PDE11A: variants seen among roughly 807,000 people sequenced by gnomAD.
PDE11A encodes the protein phosphodiesterase 11A, also known as dual 3',5'-cyclic-AMP and -GMP phosphodiesterase 11A.
PDE11A carries 100 observed loss-of-function variants against 100.5 expected under a neutral mutation model. The ratio of observed to expected loss-of-function variants is 1.00; its 90% CI spans 0.85 to 1.18. The LOEUF (loss-of-function observed/expected upper bound fraction) is 1.18, where lower values mean the gene tolerates loss of function less well. Ranked by LOEUF, PDE11A falls within the 50% of genes most tolerant of loss-of-function variation. The pLI, the probability that PDE11A is intolerant of heterozygous loss-of-function variation, is 0.00. For missense variants in PDE11A, 1,141 were observed against 1,152.6 expected (o/e 0.99, Z 0.15); for synonymous variants, 381 against 420.8 (o/e 0.91, Z 1.16).
chr2:177,840,450 A>G, intron 5 of PDE11A, 67 bp from the exon 6 acceptor site: 2 of 1,349,830 alleles, frequency 1.5e-6, no homozygotes, highest in Non-Finnish European at 2.1e-6. Context: ...AGGAAACCCT[A>G]TAAACTACAC....
intron 2 of PDE11A, among the ~76,000 whole-genome samples, chr2:177,948,530 C>T (rs2085470827): frequency 6.6e-6 from 1 of 152,094 alleles, no homozygotes; most frequent in Non-Finnish European, 1.5e-5. Flanking sequence ...GAAAGTTGAA[C>T]ATTTTTCTTA....
intron 1 of PDE11A, among the ~76,000 whole-genome samples, chr2:178,026,630 C>T (rs2086481789): frequency 6.7e-6 from 1 of 149,402 alleles, no homozygotes; most frequent in South Asian, 2.1e-4. Context: ...CACTGCACTC[C>T]AGCCTGTGCA....
rs553480343 is a variant in PDE11A, at chr2:178,028,359, G to A, written c.913-13899C>T. Among the ~76,000 whole-genome samples, 406 of 151,414 alleles carry A rather than the reference G, an allele frequency of 2.7e-3. 2 individuals are homozygous for A. The highest frequency in any genetic ancestry group is 4.4e-3 in the Non-Finnish European group (296 of 67,928). ...CTTGCCCTATAATATGAGAGTAGGC[G>A]TGACATACCAAACTGAAGGTGTCAA... On this transcript the variant is annotated intron_variant, in intron 1 of 19. Transcript: ENST00000286063.
At chr2:177,932,951 A>T (rs540717934) in intron 2 of PDE11A, among the ~76,000 whole-genome samples, 1 of 152,310 alleles carries the variant, frequency 6.6e-6, no homozygotes. Flanking sequence ...ATTAGAACTG[A>T]TAATTTTAGC....
chr2:177,691,018 T>A (rs943242845), intron 15 of PDE11A, among the ~76,000 whole-genome samples: 2 of 152,178 alleles, frequency 1.3e-5, no homozygotes, highest in African/African-American at 4.8e-5. Flanking sequence ...TCAGGCAGTG[T>A]GTCAGGTTTT....
intron 18 of PDE11A, among the ~76,000 whole-genome samples, chr2:177,665,479 C>CA (rs201885310): frequency 0.22 from 14,971 of 66,902 alleles, 847 homozygotes; most frequent in East Asian, 0.46. Flanking sequence ...GACTCAGTCT[C>CA]AAAAAAAAAA....
Position 178,050,226 on chromosome 2 carries a change from C to T in PDE11A, c.912+21300G>A, listed in dbSNP as rs1396968797. Among the ~76,000 whole-genome samples, 8 of 152,332 alleles carry T rather than the reference C, an allele frequency of 5.3e-5. No homozygotes were observed. In the East Asian group the frequency reaches 1.4e-3, roughly 26 times the overall value. The stretch of plus-strand genomic sequence containing the variant: ...GGTTCTGCAGCCTCTGCTGGTGATA[C>T]CCAGGCAAACAGGGTCTGGGGTGGA... On this transcript the variant is annotated intron_variant, in intron 1 of 19. Transcript: ENST00000286063.
chr2:177,734,448 C>T (rs570455287), intron 10 of PDE11A, among the ~76,000 whole-genome samples: 54 of 152,114 alleles, frequency 3.5e-4, no homozygotes, highest in Non-Finnish European at 5.3e-4. Flanking sequence ...ACTATGATCG[C>T]GCCTGTGAAT....
intron 17 of PDE11A, among the ~76,000 whole-genome samples, chr2:177,674,854 C>CA (rs1458493441): frequency 6.6e-6 from 1 of 152,138 alleles, no homozygotes; most frequent in East Asian, 1.9e-4. Flanking sequence ...ATAAAACGCA[C>CA]ATAACGATTA....
At chr2:177,819,925 A>ATTT (rs2083109922) in intron 7 of PDE11A, among the ~76,000 whole-genome samples, 1 of 128,076 alleles carries the variant, frequency 7.8e-6, no homozygotes. Flanking sequence ...TTTTTTTTTC[A>ATTT]CTCTCTGCCT....
At chr2:177,959,450 G>A (rs1164337975) in intron 2 of PDE11A, among the ~76,000 whole-genome samples, 3 of 152,180 alleles carry the variant, frequency 2.0e-5, no homozygotes, top group Non-Finnish European at 2.9e-5. Context: ...TAGTCATGGA[G>A]CACTAGTGGA....
chr2:177,783,762 G>A (rs558143601), intron 9 of PDE11A, among the ~76,000 whole-genome samples: 1 of 152,154 alleles, frequency 6.6e-6, no homozygotes, highest in Admixed American at 6.5e-5. Flanking sequence ...TGGTTTTCCA[G>A]CCTATTCACT....
At chr2:177,701,756 T>C (rs1377615257) in intron 13 of PDE11A, among the ~76,000 whole-genome samples, 1 of 152,092 alleles carries the variant, frequency 6.6e-6, no homozygotes, top group East Asian at 1.9e-4. Context: ...TTCTGCAGAG[T>C]GCATTTTATC....
intron 1 of PDE11A, among the ~76,000 whole-genome samples, chr2:178,050,836 T>C (rs980194319): frequency 1.3e-5 from 2 of 152,160 alleles, no homozygotes; most frequent in African/African-American, 4.8e-5. Flanking sequence ...GAACAAAGCC[T>C]CCAAGAAATA....
intron 1 of PDE11A, among the ~76,000 whole-genome samples, chr2:178,053,334 CAATA>C (rs1046621445): frequency 6.6e-6 from 1 of 152,192 alleles, no homozygotes; most frequent in African/African-American, 2.4e-5. Flanking sequence ...TAAAACCTCT[CAATA>C]AATAAGGTAT....
intron 6 of PDE11A, among the ~76,000 whole-genome samples, chr2:177,829,610 AT>A (rs71410764): frequency 0.11 from 15,106 of 141,862 alleles, 1,128 homozygotes; most frequent in Non-Finnish European, 0.15. Flanking sequence ...CTCCTGGCTA[AT>A]TTTTTTTTTT....
At chr2:177,678,955 G>A (rs554326094) in intron 16 of PDE11A, among the ~76,000 whole-genome samples, 129 of 151,656 alleles carry the variant, frequency 8.5e-4, no homozygotes, top group Non-Finnish European at 1.3e-3. Flanking sequence ...ATACATCCTT[G>A]GGGGACAGTT....
chr2:178,062,016 C>T (rs2086975952), intron 1 of PDE11A, among the ~76,000 whole-genome samples: 2 of 152,142 alleles, frequency 1.3e-5, no homozygotes, highest in South Asian at 4.1e-4. Flanking sequence ...TATTTTAAAA[C>T]TCCTTTCTAT....
At chr2:178,031,612 A>C (rs755727935) in intron 1 of PDE11A, among the ~76,000 whole-genome samples, 4 of 152,164 alleles carry the variant, frequency 2.6e-5, no homozygotes, top group Admixed American at 1.3e-4. Flanking sequence ...AGAATGTGTA[A>C]GACTTTTATA....
Sources: gnomAD v4.1 joint callset for allele counts (sites outside exome capture counted in the v4.1 genomes callset) on GRCh38, gnomAD v4.1.1 for gene constraint, MANE v1.5 for transcripts, NCBI Gene and HGNC (gene_info 2026-07-23, HGNC 2026-07-21) for gene names.